Variants in SMPX observed in about 807,000 individuals in gnomAD.
SMPX encodes small muscular protein.
In SMPX, 2 loss-of-function variants were observed where a neutral mutation model predicts 6.3. The observed-to-expected ratio is 0.32, with a 90% CI of 0.13 to 0.99. The LOEUF is 0.99. Ranked by LOEUF, SMPX falls within the 50% of genes least tolerant of loss-of-function variation. The pLI is 0.49. For missense variants in SMPX, 60 were observed against 66.8 expected (o/e 0.90, Z 0.36); for synonymous variants, 32 against 24.7 (o/e 1.30, Z -0.88).
chrX:21,712,003 G>T (rs1030613250), intron 4 of SMPX, among the ~76,000 whole-genome samples: 11 of 111,716 alleles, frequency 9.8e-5, no homozygotes, highest in Admixed American at 9.5e-4. Context: ...TACTCATCAG[G>T]ACCACACCCT....
intron 3 of SMPX, among the ~76,000 whole-genome samples, chrX:21,743,096 C>A (rs992373433): frequency 2.7e-5 from 3 of 111,508 alleles, no homozygotes; most frequent in African/African-American, 9.8e-5. Flanking sequence ...TTTAGCAGAT[C>A]GGGTACTTGA....
chrX:21,726,406 C>T (rs144848691), intron 4 of SMPX, among the ~76,000 whole-genome samples: 107 of 112,658 alleles, frequency 9.5e-4, no homozygotes, highest in African/African-American at 3.2e-3. Flanking sequence ...GAACACAAAA[C>T]TGGAAAATAG....
intron 3 of SMPX, 108 bp from the exon 4 acceptor site, chrX:21,737,805 G>T: frequency 1.3e-6 from 1 of 754,645 alleles, no homozygotes; most frequent in Non-Finnish European, 2.0e-6. Context: ...ATGTCAAAGT[G>T]TGATTCTAGC....
chrX:21,749,199 AT>A lies in SMPX; in HGVS notation c.45+5046del, dbSNP rs773484794. On this transcript the variant is annotated intron_variant, in intron 2 of 4. Coordinates refer to ENST00000379494, the MANE Select transcript of SMPX (RefSeq NM_014332.3). ...TCACTAATGATGCAGGATTCATATA[AT>A]TTTTTTCAAATGTATGATAAGTTAG... Among the ~76,000 whole-genome samples, 5 of 112,338 alleles carry A rather than the reference AT, an allele frequency of 4.5e-5. No homozygotes were observed. The South Asian group carries it at 1.8e-3, about 41-fold the overall frequency.
rs185187191 is a variant in SMPX, at chrX:21,757,836, C to T, written c.-13+106G>A. On this transcript the variant is annotated intron_variant, in intron 1 of 4. Coordinates refer to ENST00000379494, the MANE Select transcript of SMPX (RefSeq NM_014332.3). ...AAAATGAATTTACAAGGAAGCTACA[C>T]CCACTGGTTACAAGCCTACAAAGTT... is the stretch of plus-strand genomic sequence containing the variant. 1.1e-3 allele frequency: 318 copies of T among 283,683 alleles called. 1 individual carries two copies. The highest frequency in any genetic ancestry group is 7.7e-3 in the African/African-American group (278 of 36,106). The allele number at this position is 283,683 out of a possible 1,213,427, so 23.4% of individuals were successfully genotyped here.
At chrX:21,744,379 T>C (rs1252948709) in intron 2 of SMPX, among the ~76,000 whole-genome samples, 1 of 111,939 alleles carries the variant, frequency 8.9e-6, no homozygotes, top group Non-Finnish European at 1.9e-5. Flanking sequence ...TCCCAACATG[T>C]ACTTGTGTGG....
intron 2 of SMPX, among the ~76,000 whole-genome samples, chrX:21,751,585 C>T (rs1359098214): frequency 1.8e-5 from 2 of 112,136 alleles, no homozygotes; most frequent in Non-Finnish European, 3.8e-5. Context: ...GTACTGGAGA[C>T]CTTGAGTGCC....
chrX:21,710,607 C>A (rs1294690115), intron 4 of SMPX, among the ~76,000 whole-genome samples: 1 of 111,996 alleles, frequency 8.9e-6, no homozygotes, highest in Non-Finnish European at 1.9e-5. Flanking sequence ...CAGACCACCA[C>A]GACCACTGTG....
chrX:21,754,484 A>G (rs1472893851), intron 1 of SMPX, among the ~76,000 whole-genome samples, 182 bp from the exon 2 acceptor site: 1 of 111,699 alleles, frequency 9.0e-6, no homozygotes, highest in Non-Finnish European at 1.9e-5. Flanking sequence ...GTGAGGGAAC[A>G]CTAGAGCACC....
At chrX:21,731,728 A>ATGTGTATATGTGTATATGTACACATTTG (rs1569306718) in intron 4 of SMPX, among the ~76,000 whole-genome samples, 1 of 103,612 alleles carries the variant, frequency 9.7e-6, no homozygotes, top group Non-Finnish European at 2.0e-5. Context: ...GTACACATTA[A>ATGTGTATATGTGTATATGTACACATTTG]TGTGTATATG....
At chrX:21,729,680 A>G (rs2092801177) in intron 4 of SMPX, among the ~76,000 whole-genome samples, 1 of 111,576 alleles carries the variant, frequency 9.0e-6, no homozygotes, top group Admixed American at 9.5e-5. Flanking sequence ...TCTGCTTTCC[A>G]CCAAGCTGGC....
chrX:21,717,887 G>A (rs2092787025), intron 4 of SMPX, among the ~76,000 whole-genome samples: 1 of 112,328 alleles, frequency 8.9e-6, no homozygotes, highest in African/African-American at 3.2e-5. Flanking sequence ...ATAATATTCT[G>A]AGCATGTGTA....
chrX:21,731,830 TTA>T (rs59393701), intron 4 of SMPX, among the ~76,000 whole-genome samples: 39,966 of 98,843 alleles, frequency 0.4, 6,860 homozygotes, highest in East Asian at 0.58. Context: ...TATATACACA[TTA>T]TATATATATA....
chrX:21,746,730 T>A (rs998724710), intron 2 of SMPX, among the ~76,000 whole-genome samples: 7 of 103,716 alleles, frequency 6.7e-5, no homozygotes, highest in African/African-American at 2.5e-4. Flanking sequence ...TCGATCATAA[T>A]GTGCACCAAT....
At chrX:21,729,949 A>G (rs2147381714) in intron 4 of SMPX, among the ~76,000 whole-genome samples, 1 of 112,349 alleles carries the variant, frequency 8.9e-6, no homozygotes, top group South Asian at 3.7e-4. Context: ...GAGTTTTGCC[A>G]GCCAGGAAAA....
At chrX:21,745,097 A>G (rs1334384455) in intron 2 of SMPX, among the ~76,000 whole-genome samples, 1 of 111,985 alleles carries the variant, frequency 8.9e-6, no homozygotes, top group Non-Finnish European at 1.9e-5. Flanking sequence ...TAATGCTGAT[A>G]CCACAGAAAG....
chrX:21,740,270 C>T (rs1171614467), intron 3 of SMPX, among the ~76,000 whole-genome samples: 1 of 111,676 alleles, frequency 9.0e-6, no homozygotes, highest in East Asian at 2.8e-4. Context: ...TTCCAGATGG[C>T]CCCATTTGGC....
intron 2 of SMPX, among the ~76,000 whole-genome samples, chrX:21,753,203 A>G (rs1321746075): frequency 1.8e-5 from 2 of 112,102 alleles, no homozygotes; most frequent in East Asian, 5.6e-4. Context: ...TTGTTCAATG[A>G]CATGTTTCCA....
chrX:21,715,299 TGTGTGCGCGCAC>T (rs1274273803), intron 4 of SMPX, among the ~76,000 whole-genome samples: 10 of 89,556 alleles, frequency 1.1e-4, no homozygotes, highest in African/African-American at 5.7e-4. Flanking sequence ...TGTGTGTGTG[TGTGTGCGCGCAC>T]GCGCGCGCGC....
Sources: allele counts gnomAD v4.1 joint callset (sites outside exome capture counted in the v4.1 genomes callset), GRCh38; gene constraint gnomAD v4.1.1; transcripts MANE v1.5; gene names NCBI Gene and HGNC (gene_info 2026-07-23, HGNC 2026-07-21).